The following TACR1 variants were observed in gnomAD, a reference collection of about 807,000 sequenced individuals.
The protein encoded by TACR1 is tachykinin receptor 1, also known as substance-P receptor.
A neutral mutation model predicts 35.8 loss-of-function variants in TACR1; 25 were observed. The observed-to-expected ratio is 0.70, with a 90% CI of 0.51 to 0.98. The LOEUF is 0.98. Among genes scored for constraint, TACR1 ranks in the 50% least tolerant of loss-of-function variants. The probability of loss-of-function intolerance (pLI) is 0.00; values close to 1 mark genes in which losing one functional copy is unlikely to be tolerated. For synonymous variants in TACR1, 195 were observed against 206.7 expected (o/e 0.94, Z 0.48); for missense variants, 478 against 522.9 (o/e 0.91, Z 0.84).
intron 1 of TACR1, among the ~76,000 whole-genome samples, chr2:75,190,227 C>T (rs1193550124): frequency 3.9e-5 from 6 of 152,182 alleles, no homozygotes; most frequent in Admixed American, 3.9e-4. Flanking sequence ...CAATGATGCT[C>T]ACTCCATATA....
chr2:75,070,462 T>C (rs1407423993), intron 2 of TACR1, among the ~76,000 whole-genome samples: 1 of 152,184 alleles, frequency 6.6e-6, no homozygotes, highest in Admixed American at 6.5e-5. Flanking sequence ...TTATGCCATT[T>C]CTTCCCACAT....
intron 2 of TACR1, among the ~76,000 whole-genome samples, chr2:75,055,946 C>T (rs1052988882): frequency 2.6e-5 from 4 of 152,214 alleles, no homozygotes; most frequent in Non-Finnish European, 5.9e-5. Context: ...CAACGGTTCT[C>T]AACCGCAAAT....
intron 1 of TACR1, 76 bp downstream of exon 1, chr2:75,198,470 C>A: frequency 6.5e-7 from 1 of 1,545,498 alleles, no homozygotes; most frequent in South Asian, 1.2e-5. Flanking sequence ...CCATACCCCA[C>A]CCAGTTCCAA....
At chr2:75,176,570 C>T (rs1675424864) in intron 1 of TACR1, among the ~76,000 whole-genome samples, 2 of 152,102 alleles carry the variant, frequency 1.3e-5, no homozygotes, top group African/African-American at 4.8e-5. Flanking sequence ...TGGACTTTCC[C>T]AGAAGATTTC....
Position 75,154,450 on chromosome 2 carries a change from A to ACACACACACACT in TACR1, c.390-33683_390-33682insAGTGTGTGTGTG, listed in dbSNP as rs1362786009. 6 of 89,124 alleles carry ACACACACACACT rather than the reference A, an allele frequency of 6.7e-5. 2 individuals are homozygous for ACACACACACACT. The highest frequency in any genetic ancestry group is 3.7e-4 in the South Asian group (1 of 2,682). 5.5% of individuals were successfully genotyped at this position (89,124 alleles called of 1,614,324 possible). ...CACACACACACACACACACACACAC[A>ACACACACACACT]CTCTGAAGAAACCCAGTGGAGATTC... On this transcript the variant is annotated intron_variant, in intron 1 of 4. Transcript: ENST00000305249.
intron 2 of TACR1, among the ~76,000 whole-genome samples, chr2:75,101,047 A>T (rs186721376): frequency 6.6e-6 from 1 of 152,324 alleles, no homozygotes; most frequent in East Asian, 1.9e-4. Context: ...CTGTATTAAA[A>T]AAAAAAAGAA....
chr2:75,112,400 T>A (rs1022917494), intron 2 of TACR1, among the ~76,000 whole-genome samples: 7 of 151,358 alleles, frequency 4.6e-5, no homozygotes, highest in African/African-American at 1.7e-4. Flanking sequence ...AACGTACTCT[T>A]AGGAATAGTT....
At chr2:75,183,724 A>G (rs1675616281) in intron 1 of TACR1, among the ~76,000 whole-genome samples, 1 of 152,122 alleles carries the variant, frequency 6.6e-6, no homozygotes, top group Admixed American at 6.5e-5. Context: ...CTCTGCGTTT[A>G]TATCATTTTC....
intron 2 of TACR1, among the ~76,000 whole-genome samples, chr2:75,061,797 A>AT (rs944846641): frequency 1.8e-4 from 28 of 152,302 alleles, no homozygotes; most frequent in African/African-American, 6.3e-4. Context: ...GTCAATTCCC[A>AT]TGGGGCAGCT....
At chr2:75,102,601 A>G (rs1484226665) in intron 2 of TACR1, among the ~76,000 whole-genome samples, 1 of 152,194 alleles carries the variant, frequency 6.6e-6, no homozygotes, top group Non-Finnish European at 1.5e-5. Flanking sequence ...ATATTAGGTT[A>G]TCCACAAAAG....
intron 2 of TACR1, among the ~76,000 whole-genome samples, chr2:75,060,274 T>C (rs981282247): frequency 1.3e-5 from 2 of 152,140 alleles, no homozygotes; most frequent in African/African-American, 2.4e-5. Flanking sequence ...TTTTCAAATA[T>C]AGATACAATG....
chr2:75,099,963 A>G (rs999012390), intron 2 of TACR1, among the ~76,000 whole-genome samples: 10 of 152,194 alleles, frequency 6.6e-5, no homozygotes, highest in African/African-American at 2.4e-4. Context: ...TTCTTCCAGC[A>G]TTTATTCCCC....
chr2:75,186,917 A>C (rs1435276060), intron 1 of TACR1: 3 of 152,230 alleles, frequency 2.0e-5, no homozygotes, highest in Non-Finnish European at 4.4e-5. Flanking sequence ...ATCCAGGTGT[A>C]CAGAGAAAAA....
intron 1 of TACR1, among the ~76,000 whole-genome samples, chr2:75,182,435 C>G (rs530897620): frequency 1.3e-5 from 2 of 152,318 alleles, no homozygotes; most frequent in East Asian, 3.9e-4. Flanking sequence ...AACTCCCGCT[C>G]TTCCTTTAGA....
At chr2:75,149,263 T>G (rs1674613485) in intron 1 of TACR1, among the ~76,000 whole-genome samples, 1 of 152,172 alleles carries the variant, frequency 6.6e-6, no homozygotes, top group Non-Finnish European at 1.5e-5. Flanking sequence ...AGTATTTTTT[T>G]CTAATTCTGT....
At chr2:75,074,469 C>G (rs574392241) in intron 2 of TACR1, among the ~76,000 whole-genome samples, 284 of 152,298 alleles carry the variant, frequency 1.9e-3, no homozygotes, top group Non-Finnish European at 3.3e-3. Context: ...GGCTCATTCT[C>G]CCAGGAAGAT....
intron 1 of TACR1, among the ~76,000 whole-genome samples, chr2:75,145,798 T>G (rs1674497619): frequency 6.6e-6 from 1 of 152,176 alleles, no homozygotes; most frequent in African/African-American, 2.4e-5. Flanking sequence ...TACAGTCACT[T>G]TTAGGTGTGT....
intron 1 of TACR1, among the ~76,000 whole-genome samples, chr2:75,154,108 C>G (rs1030131781): frequency 3.3e-5 from 5 of 152,092 alleles, no homozygotes; most frequent in African/African-American, 1.2e-4. Context: ...TTGGATGCCC[C>G]CCTCACTGCC....
At chr2:75,080,372 T>C (rs1216205183) in intron 2 of TACR1, among the ~76,000 whole-genome samples, 2 of 152,108 alleles carry the variant, frequency 1.3e-5, no homozygotes, top group East Asian at 3.9e-4. Context: ...ACAACCATCA[T>C]CTCTTCACTT....
Sources: allele counts gnomAD v4.1 joint callset (sites outside exome capture counted in the v4.1 genomes callset), GRCh38; gene constraint gnomAD v4.1.1; transcripts MANE v1.5; gene names NCBI Gene and HGNC (gene_info 2026-07-23, HGNC 2026-07-21).